Variants in SNAPC3 observed in about 807,000 individuals in gnomAD.
The protein encoded by SNAPC3 is snRNA-activating protein complex subunit 3.
In SNAPC3, 56 loss-of-function variants were observed where a neutral mutation model predicts 47.7. The ratio of observed to expected loss-of-function variants is 1.18; its 90% CI spans 0.95 to 1.47. The LOEUF is 1.47. Among genes scored for constraint, SNAPC3 ranks in the 40% most tolerant of loss-of-function variants. The pLI is 0.00. For synonymous variants in SNAPC3, 235 were observed against 189.9 expected, an observed-to-expected ratio of 1.24 and a Z score of -1.95; for missense variants, 665 against 511.3, an observed-to-expected ratio of 1.30 and a Z score of -2.90.
At chr9:15,439,491 A>T (rs1237380882) in intron 3 of SNAPC3, among the ~76,000 whole-genome samples, 1 of 152,092 alleles carries the variant, frequency 6.6e-6, no homozygotes, top group African/African-American at 2.4e-5. Context: ...GATAGCTGGG[A>T]CTACAAACAC....
intron 6 of SNAPC3, among the ~76,000 whole-genome samples, chr9:15,452,026 C>T (rs906430089): frequency 2.0e-5 from 3 of 152,086 alleles, no homozygotes; most frequent in Non-Finnish European, 4.4e-5. Context: ...TATGGTGGCA[C>T]GATCTCAGCT....
At chr9:15,444,469 A>T in intron 3 of SNAPC3, 133 bp from the exon 4 acceptor site, 1 of 595,106 alleles carries the variant, frequency 1.7e-6, no homozygotes, top group Non-Finnish European at 3.0e-6. Flanking sequence ...ATGTCTTAAC[A>T]GTTTTCCCAG....
intron 2 of SNAPC3, among the ~76,000 whole-genome samples, chr9:15,432,928 G>T (rs894074814): frequency 2.0e-5 from 3 of 152,152 alleles, no homozygotes; most frequent in Non-Finnish European, 4.4e-5. Context: ...TATTTACCAA[G>T]TTCATAGAAA....
chr9:15,447,316 C>G (rs2034015591), intron 5 of SNAPC3, 72 bp downstream of exon 5: 4 of 1,329,304 alleles, frequency 3.0e-6, no homozygotes, highest in Non-Finnish European at 4.3e-6. Flanking sequence ...CTAGCTGGTT[C>G]ATAAATGTCC....
At chr9:15,435,678 C>T (rs535653229) in intron 3 of SNAPC3, among the ~76,000 whole-genome samples, 38 of 150,124 alleles carry the variant, frequency 2.5e-4, no homozygotes, top group Admixed American at 9.3e-4. Context: ...GCAGCGAGCC[C>T]AGATTGTGCC....
Position 15,451,326 on chromosome 9 carries a change from T to C in SNAPC3, c.739T>C (p.Tyr247His). ...ACAATCTGTTTTCTTGTAGGACCTA[T>C]ACAAATCAGCCTTCTTTTATTTTGA... ...QAPEHISKDL[Y>H]KSAFFYFEGT... is the part of the protein sequence containing the mutation. Residue 247 changes from tyrosine (Y) to histidine (H), a missense_variant, in exon 6 of 9, where the codon TAC becomes CAC. Coordinates refer to ENST00000380821, the MANE Select transcript of SNAPC3 (RefSeq NM_001039697.2). 4 of 1,422,382 alleles carry C rather than the reference T, an allele frequency of 2.8e-6. No homozygotes were observed. Among genetic ancestry groups the C allele is most frequent in the Non-Finnish European group, 3.9e-6 (4 of 1,021,338 alleles). The allele number at this position is 1,422,382 out of a possible 1,614,324, so 88.1% of individuals were successfully genotyped here.
chr9:15,428,989 G>C (rs2031804952), intron 2 of SNAPC3, among the ~76,000 whole-genome samples: 1 of 151,924 alleles, frequency 6.6e-6, no homozygotes, highest in Non-Finnish European at 1.5e-5. Flanking sequence ...ACTAAATCTA[G>C]AAAGGGTTCC....
intron 2 of SNAPC3, among the ~76,000 whole-genome samples, chr9:15,424,806 A>G (rs1201488808): frequency 6.6e-6 from 1 of 152,188 alleles, no homozygotes; most frequent in African/African-American, 2.4e-5. Flanking sequence ...GTCGTTCTTG[A>G]TCCTACGCTA....
chr9:15,441,018 T>C (rs1039229016), intron 3 of SNAPC3, among the ~76,000 whole-genome samples: 1 of 151,750 alleles, frequency 6.6e-6, no homozygotes, highest in Admixed American at 6.6e-5. Context: ...TTTCTTAACC[T>C]CCATGTTTTC....
intron 2 of SNAPC3, among the ~76,000 whole-genome samples, chr9:15,428,279 G>C (rs16933212): frequency 1.3e-3 from 197 of 152,154 alleles, no homozygotes; most frequent in African/African-American, 4.4e-3. Context: ...GCTTGTTGCA[G>C]ATAATCAGGA....
intron 3 of SNAPC3, among the ~76,000 whole-genome samples, chr9:15,436,240 T>G (rs2032790329): frequency 6.6e-6 from 1 of 152,252 alleles, no homozygotes; most frequent in Non-Finnish European, 1.5e-5. Context: ...GCTTTTGATG[T>G]CATACTTAAA....
chr9:15,458,416 C>T (rs2034962775), intron 8 of SNAPC3, among the ~76,000 whole-genome samples: 1 of 152,124 alleles, frequency 6.6e-6, no homozygotes, highest in South Asian at 2.1e-4. Context: ...GTTAGAGGGT[C>T]ACAGTGCACA....
At chr9:15,442,577 G>A (rs76763841) in intron 3 of SNAPC3, among the ~76,000 whole-genome samples, 10 of 151,644 alleles carry the variant, frequency 6.6e-5, no homozygotes, top group African/African-American at 1.5e-4. Flanking sequence ...CAGACGGGGC[G>A]GCGGGGCAGA....
intron 2 of SNAPC3, among the ~76,000 whole-genome samples, chr9:15,433,066 T>C (rs2032365193): frequency 1.3e-5 from 2 of 152,170 alleles, no homozygotes; most frequent in African/African-American, 2.4e-5. Context: ...GTAGTATTCT[T>C]ACCAAAATGC....
rs1050921822 is a variant in SNAPC3, at chr9:15,447,336, C to G, written c.732+92C>G. ...TGGTTCATAAATGTCCCAGTAAATC[C>G]TTTTCTTCTCCTGCGGGATTCCATC... On this transcript the variant is annotated intron_variant, in intron 5 of 8. Transcript: ENST00000380821. The G allele has an allele frequency of 2.5e-5, 28 of 1,119,456 alleles. No individual in the cohort carries two copies. The East Asian group carries it at 3.1e-4, about 12-fold the overall frequency. 69.3% of individuals were successfully genotyped at this position (1,119,456 alleles called of 1,614,324 possible). A position where few individuals can be genotyped will look rare whatever the true frequency, so the allele number is the denominator to read the frequency against.
At chr9:15,434,112 C>CT (rs1338327275) in intron 3 of SNAPC3, among the ~76,000 whole-genome samples, 1 of 152,188 alleles carries the variant, frequency 6.6e-6, no homozygotes, top group Non-Finnish European at 1.5e-5. Flanking sequence ...CCTATTGTCT[C>CT]TCCCACTTAT....
intron 2 of SNAPC3, among the ~76,000 whole-genome samples, chr9:15,432,474 A>G (rs1345558852): frequency 6.6e-6 from 1 of 152,144 alleles, no homozygotes; most frequent in African/African-American, 2.4e-5. Context: ...GAGACAAGAA[A>G]AATATAGGAT....
intron 7 of SNAPC3, among the ~76,000 whole-genome samples, chr9:15,454,431 A>G (rs554969499): frequency 1.3e-5 from 2 of 152,298 alleles, no homozygotes; most frequent in African/African-American, 4.8e-5. Context: ...AATAGGTTAA[A>G]TAGACATAAA....
intron 2 of SNAPC3, among the ~76,000 whole-genome samples, chr9:15,433,239 C>T (rs1488074577): frequency 6.6e-6 from 1 of 150,516 alleles, no homozygotes; most frequent in Non-Finnish European, 1.5e-5. Flanking sequence ...ATAACAGATG[C>T]CATGTGGGAT....
Sources: allele counts gnomAD v4.1 joint callset (sites outside exome capture counted in the v4.1 genomes callset), GRCh38; gene constraint gnomAD v4.1.1; transcripts MANE v1.5; gene names NCBI Gene and HGNC (gene_info 2026-07-23, HGNC 2026-07-21).